The following SGTA variants were observed in gnomAD, a reference collection of about 807,000 sequenced individuals.
SGTA encodes small glutamine-rich tetratricopeptide repeat-containing protein alpha.
Under a neutral mutation model 44.3 loss-of-function variants are expected in SGTA, and 22 were observed. That is an observed-to-expected ratio of 0.50 (90% CI 0.36 to 0.71). SGTA has a LOEUF of 0.71. Among genes scored for constraint, SGTA ranks in the 30% least tolerant of loss-of-function variants. The probability of loss-of-function intolerance (pLI) is 0.00; values close to 1 mark genes in which losing one functional copy is unlikely to be tolerated. For synonymous variants in SGTA, 174 were observed against 177.6 expected (o/e 0.98, Z 0.16); for missense variants, 341 against 435.9 (o/e 0.78, Z 1.94).
At chr19:2,778,897 A>T (rs902477800) in intron 1 of SGTA, among the ~76,000 whole-genome samples, 9 of 152,212 alleles carry the variant, frequency 5.9e-5, no homozygotes, top group African/African-American at 2.2e-4. Flanking sequence ...CCCAATCAGA[A>T]GTTTATTCTG....
chr19:2,757,467 A>C lies in SGTA; in HGVS notation c.828-10T>G, dbSNP rs372234271. 2.7e-5 allele frequency: 44 copies of C among 1,606,166 alleles called. No individual in the cohort carries two copies. Among genetic ancestry groups the C allele is most frequent in the Admixed American group, 1.3e-4 (8 of 59,938 alleles). Reference sequence around the variant, plus strand: ...GGCAAACTGCTGGCCCCTGCGGGGAAGGGCACATGGGGCTCAGCCAGGGCC... The same window carrying C: ...GGCAAACTGCTGGCCCCTGCGGGGACGGGCACATGGGGCTCAGCCAGGGCC... On this transcript the variant is annotated splice_polypyrimidine_tract_variant and intron_variant, in intron 10 of 11. Coordinates refer to ENST00000221566, the MANE Select transcript of SGTA (RefSeq NM_003021.4).
rs1397570965 is a variant in SGTA, at chr19:2,765,535, C to T, written c.293-250G>A. Among the ~76,000 whole-genome samples the T allele has an allele frequency of 6.6e-6, 1 of 152,174 alleles. No homozygotes were observed. Among genetic ancestry groups the T allele is most frequent in the East Asian group, 1.9e-4 (1 of 5,186 alleles). On this transcript the variant is annotated intron_variant, in intron 4 of 11. Transcript: ENST00000221566. This position sits in a 1 kb window ranked among gnomAD's most constrained non-coding sequence, Gnocchi z 5.5. The stretch of plus-strand genomic sequence containing the variant: ...GGAGGTGGGGGCGGCAGGGCCTGGC[C>T]TGGCCTGTGCCTGGCGACGGTGGCT...
At chr19:2,760,529 A>C (rs1472238781) in intron 8 of SGTA, among the ~76,000 whole-genome samples, 1 of 151,368 alleles carries the variant, frequency 6.6e-6, no homozygotes. Context: ...AAAAAAAAAA[A>C]AAAAAAAAAA....
Position 2,767,241 on chromosome 19 carries a change from G to A in SGTA, c.208-21C>T, listed in dbSNP as rs761106959. The A allele has an allele frequency of 3.8e-5, 60 of 1,582,160 alleles. No homozygotes were observed. Among genetic ancestry groups the A allele is most frequent in the Admixed American group, 1.0e-4 (6 of 57,864 alleles). On this transcript the variant is annotated intron_variant, in intron 3 of 11. Coordinates refer to ENST00000221566, the MANE Select transcript of SGTA (RefSeq NM_003021.4). This position sits in a 1 kb window ranked among gnomAD's most constrained non-coding sequence, Gnocchi z 7.3. ...ATCTCCTGGACCCGGAGGCAAAGGCGGCCCGCTGTCCTCTCCTCCCAACCT... is the reference window on the plus strand; with the variant it reads ...ATCTCCTGGACCCGGAGGCAAAGGCAGCCCGCTGTCCTCTCCTCCCAACCT...
At chr19:2,756,235 A>G (rs1305561021) in intron 11 of SGTA, among the ~76,000 whole-genome samples, 1 of 152,080 alleles carries the variant, frequency 6.6e-6, no homozygotes, top group African/African-American at 2.4e-5. Flanking sequence ...AAAAATAAAT[A>G]AAAGCTTATT....
Position 2,755,970 on chromosome 19 carries a change from G to T in SGTA, c.*7-37C>A. 1 of 982,424 alleles carries T rather than the reference G, an allele frequency of 1.0e-6. No individual in the cohort carries two copies. The highest frequency in any genetic ancestry group is 1.2e-6 in the Non-Finnish European group (1 of 827,170). 60.9% of individuals were successfully genotyped at this position (982,424 alleles called of 1,614,324 possible). On this transcript the variant is annotated intron_variant, in intron 11 of 11. Transcript: ENST00000221566. This position sits in a 1 kb window ranked among gnomAD's most constrained non-coding sequence, Gnocchi z 5.2. ...CAGACATGAAGGCTGTCAGAGCGCA[G>T]GTGGGGACCAAGGCTGCACCACACA...
At chr19:2,758,809 A>G (rs1374787783) in intron 9 of SGTA, among the ~76,000 whole-genome samples, 1 of 152,220 alleles carries the variant, frequency 6.6e-6, no homozygotes, top group African/African-American at 2.4e-5. Context: ...CATGAAAAGG[A>G]GCGAGGCCCT....
intron 1 of SGTA, chr19:2,782,503 G>A (rs997778012): frequency 7.2e-5 from 11 of 152,146 alleles, no homozygotes; most frequent in African/African-American, 2.2e-4. Context: ...GACCCTCCGA[G>A]GCATCTGCTT....
In SGTA at chr19:2,773,573, C is replaced by T. The variant is rs1444614407; in HGVS notation, c.-23-4482G>A. Among the ~76,000 whole-genome samples, 15 of 23,554 alleles carry T rather than the reference C, an allele frequency of 6.4e-4. 1 individual carries two copies. Among genetic ancestry groups the T allele is most frequent in the Admixed American group, 4.9e-3 (15 of 3,044 alleles). 15.5% of individuals were successfully genotyped at this position (23,554 alleles called of 152,430 possible). A position where few individuals can be genotyped will look rare whatever the true frequency, so the allele number is the denominator to read the frequency against. On this transcript the variant is annotated intron_variant, in intron 1 of 11. Coordinates refer to ENST00000221566, the MANE Select transcript of SGTA (RefSeq NM_003021.4). ...GTGACGCGGCCACACGGCAGGGACACCGAGGGCAGAGGTGGGTGACACGGC... is the reference window on the plus strand; with the variant it reads ...GTGACGCGGCCACACGGCAGGGACATCGAGGGCAGAGGTGGGTGACACGGC...
chr19:2,772,772 AC>A lies in SGTA; in HGVS notation c.-23-3682del, dbSNP rs1568312057. ...GTGGATGTGAAGGCAGAAATGGGTG[AC>A]GCGGCCACACGGCAGGGACACCGAG... On this transcript the variant is annotated intron_variant, in intron 1 of 11. Coordinates refer to ENST00000221566, the MANE Select transcript of SGTA (RefSeq NM_003021.4). Among the ~76,000 whole-genome samples the A allele has an allele frequency of 3.5e-4, 51 of 146,816 alleles. 3 individuals carry two copies. Among genetic ancestry groups the A allele is most frequent in the African/African-American group, 1.2e-3 (45 of 36,832 alleles).
At chr19:2,775,736 C>T (rs929840291) in intron 1 of SGTA, among the ~76,000 whole-genome samples, 19 of 151,984 alleles carry the variant, frequency 1.3e-4, no homozygotes, top group Admixed American at 7.9e-4. Flanking sequence ...CCTTTTGGGG[C>T]GATGAGACAG....
At chr19:2,776,840 G>A (rs1049148395) in intron 1 of SGTA, among the ~76,000 whole-genome samples, 1 of 152,098 alleles carries the variant, frequency 6.6e-6, no homozygotes, top group African/African-American at 2.4e-5. Context: ...GCGCACACCT[G>A]TAGTCCCAGC....
In SGTA at chr19:2,762,524, C is replaced by T. The variant is rs1599498839; in HGVS notation, c.618G>A (p.Leu206=). The change falls in exon 7 of 12, where the codon CTG becomes CTA. Residue 206 remains leucine, a synonymous_variant. Transcript: ENST00000221566. The part of the protein sequence containing the change: ...KSNLKIAELK[L]REAPSPTGGV... Reference sequence around the variant, plus strand: ...CACTCACGGGGCTGGGGGCCTCCCGCAGCTTCAGCTCCGCTATCTTGAGGT... The same window carrying T: ...CACTCACGGGGCTGGGGGCCTCCCGTAGCTTCAGCTCCGCTATCTTGAGGT... The T allele has an allele frequency of 4.3e-6, 7 of 1,614,050 alleles. No homozygotes were observed. In the East Asian group the frequency reaches 1.6e-4, roughly 36 times the overall value.
rs1290815926 is a variant in SGTA at position 2,761,693 on chromosome 19, A to G, written c.637-171T>C. 6.6e-6 allele frequency among the ~76,000 whole-genome samples: 1 copy of G among 151,914 alleles called. No individual in the cohort carries two copies. The highest frequency in any genetic ancestry group is 1.5e-5 in the Non-Finnish European group (1 of 67,994). On this transcript the variant is annotated intron_variant, in intron 7 of 11. Transcript: ENST00000221566. This position sits in a 1 kb window ranked among gnomAD's most constrained non-coding sequence, Gnocchi z 5.7. ...CGAAGCACATCGCAACCGCCCGGGG[A>G]CGGCACAGTCTGTCATCCCGTGTTT...
At chr19:2,776,868 C>T (rs758985923) in intron 1 of SGTA, among the ~76,000 whole-genome samples, 79 of 152,104 alleles carry the variant, frequency 5.2e-4, no homozygotes, top group Non-Finnish European at 9.3e-4. Flanking sequence ...GAGGCTGAGG[C>T]GGGAGAATCG....
intron 11 of SGTA, among the ~76,000 whole-genome samples, chr19:2,756,574 G>A (rs1200842117): frequency 2.0e-5 from 3 of 152,110 alleles, no homozygotes; most frequent in Admixed American, 1.3e-4. Context: ...AGGGGACAAC[G>A]ACAAAATGAA....
intron 10 of SGTA, 59 bp downstream of exon 10, chr19:2,757,634 G>T (rs1255469012): frequency 1.4e-6 from 2 of 1,461,576 alleles, no homozygotes; most frequent in Non-Finnish European, 9.2e-7. Context: ...CTTCCCTTCC[G>T]CCTGCGAGCC....
intron 2 of SGTA, among the ~76,000 whole-genome samples, chr19:2,768,144 T>C (rs957750246): frequency 8.6e-5 from 13 of 152,028 alleles, no homozygotes; most frequent in Admixed American, 3.3e-4. Flanking sequence ...GGCAGGACCA[T>C]TGAGAGCAGG....
At chr19:2,774,649 C>T (rs1210379960) in intron 1 of SGTA, among the ~76,000 whole-genome samples, 3 of 152,150 alleles carry the variant, frequency 2.0e-5, no homozygotes, top group African/African-American at 7.2e-5. Context: ...TACCTGAGCA[C>T]TTCGCAGACC....
Sources: allele counts gnomAD v4.1 joint callset (sites outside exome capture counted in the v4.1 genomes callset), GRCh38; gene constraint gnomAD v4.1.1; non-coding constraint Gnocchi (gnomAD v3.1); transcripts MANE v1.5; gene names NCBI Gene and HGNC (gene_info 2026-07-23, HGNC 2026-07-21).